NCAM1: variants seen among roughly 807,000 people sequenced by gnomAD.
NCAM1 encodes neural cell adhesion molecule 1.
NCAM1 carries 14 observed loss-of-function variants against 109.8 expected under a neutral mutation model. That is an observed-to-expected ratio of 0.13 (90% CI 0.08 to 0.20). The LOEUF (loss-of-function observed/expected upper bound fraction) is 0.20. NCAM1 is among the 10% of genes least tolerant of loss of function. NCAM1 has a pLI of 1.00. For missense variants in NCAM1, 774 were observed against 1,109.9 expected (o/e 0.70, Z 4.30); for synonymous variants, 418 against 442.9 (o/e 0.94, Z 0.70).
At chr11:112,973,356 A>G (rs1466588055) in intron 1 of NCAM1, among the ~76,000 whole-genome samples, 2 of 152,166 alleles carry the variant, frequency 1.3e-5, no homozygotes, top group African/African-American at 2.4e-5. Flanking sequence ...ATAAAGGTGT[A>G]CTTTAAGCAG....
Position 112,994,078 on chromosome 11 carries a change from T to C in NCAM1, c.52+32414T>C, listed in dbSNP as rs139860880. ...GTTTTGGCAATATAATGCCTTTTTC[T>C]TTCTGCTTTGCCATCTAGCTTTGAG... On this transcript the variant is annotated intron_variant, in intron 1 of 19. Transcript: ENST00000316851. Among the ~76,000 whole-genome samples the C allele has an allele frequency of 2.7e-3, 414 of 152,370 alleles. 1 individual carries two copies. Among genetic ancestry groups the C allele is most frequent in the African/African-American group, 9.6e-3 (398 of 41,592 alleles).
At chr11:113,224,383 G>A (rs1290775371) in intron 9 of NCAM1, among the ~76,000 whole-genome samples, 1 of 152,242 alleles carries the variant, frequency 6.6e-6, no homozygotes, top group Non-Finnish European at 1.5e-5. Context: ...CAAGGCTGGG[G>A]GAGGGGCGCC....
intron 1 of NCAM1, among the ~76,000 whole-genome samples, chr11:113,117,053 C>T (rs926147983): frequency 6.6e-6 from 1 of 151,898 alleles, no homozygotes; most frequent in Non-Finnish European, 1.5e-5. Flanking sequence ...ACATGTTTCT[C>T]TTTGCAAATT....
At chr11:113,192,738 C>A (rs1318600051) in intron 1 of NCAM1, among the ~76,000 whole-genome samples, 1 of 152,160 alleles carries the variant, frequency 6.6e-6, no homozygotes, top group Non-Finnish European at 1.5e-5. Context: ...GGACAACGGC[C>A]AACCCTGTGG....
intron 1 of NCAM1, chr11:113,003,865 A>G (rs1487131396): frequency 6.6e-6 from 1 of 152,174 alleles, no homozygotes; most frequent in Non-Finnish European, 1.5e-5. Flanking sequence ...CTGTTCGTAA[A>G]TTTGTCCACT....
At chr11:113,049,750 T>C (rs964927780) in intron 1 of NCAM1, among the ~76,000 whole-genome samples, 1 of 152,162 alleles carries the variant, frequency 6.6e-6, no homozygotes, top group Non-Finnish European at 1.5e-5. Context: ...TGTGCCAATG[T>C]TCTCCTTTCT....
chr11:113,081,073 A>G (rs1449142668), intron 1 of NCAM1, among the ~76,000 whole-genome samples: 1 of 152,326 alleles, frequency 6.6e-6, no homozygotes, highest in Non-Finnish European at 1.5e-5. Context: ...AGTTCTCTCA[A>G]CATCAGAAGG....
intron 1 of NCAM1, among the ~76,000 whole-genome samples, chr11:113,144,385 A>G (rs1312288663): frequency 1.3e-5 from 2 of 152,204 alleles, no homozygotes; most frequent in Non-Finnish European, 2.9e-5. Context: ...ATTTTGTTCT[A>G]CTTCTTAAAG....
intron 1 of NCAM1, among the ~76,000 whole-genome samples, chr11:113,131,704 G>C (rs1941390047): frequency 1.3e-5 from 2 of 152,156 alleles, no homozygotes; most frequent in African/African-American, 4.8e-5. Flanking sequence ...AATCTCTGCT[G>C]TCTTCCCCCA....
chr11:113,253,547 A>AC lies in NCAM1; in HGVS notation c.1829-2324dup, dbSNP rs1219670647. On this transcript the variant is annotated intron_variant, in intron 15 of 19. Transcript: ENST00000316851. The stretch of plus-strand genomic sequence containing the variant: ...GAATGAAACTTGATCGAGGCAACAG[A>AC]CCCCCCATGATGCGGAGTTCAGAGA... Among the ~76,000 whole-genome samples the AC allele has an allele frequency of 9.2e-5, 14 of 151,910 alleles. No individual in the cohort carries two copies. The South Asian group carries it at 2.1e-3, about 23-fold the overall frequency.
chr11:113,045,779 T>C (rs375841456), intron 1 of NCAM1, among the ~76,000 whole-genome samples: 1 of 152,192 alleles, frequency 6.6e-6, no homozygotes, highest in African/African-American at 2.4e-5. Flanking sequence ...GTTATAGAAA[T>C]AGGCTTTTCT....
chr11:113,261,589 T>A (rs1946001827), intron 17 of NCAM1, among the ~76,000 whole-genome samples: 1 of 152,178 alleles, frequency 6.6e-6, no homozygotes, highest in Non-Finnish European at 1.5e-5. Flanking sequence ...GGAAATGTCC[T>A]CATTATACCT....
At chr11:113,198,779 G>T (rs986577779) in intron 1 of NCAM1, among the ~76,000 whole-genome samples, 3 of 152,188 alleles carry the variant, frequency 2.0e-5, no homozygotes, top group African/African-American at 7.2e-5. Context: ...TAGGGGAAGA[G>T]TTCAAGCCTT....
At chr11:113,147,506 C>T (rs1555101532) in intron 1 of NCAM1, among the ~76,000 whole-genome samples, 2 of 152,222 alleles carry the variant, frequency 1.3e-5, no homozygotes, top group African/African-American at 4.8e-5. Context: ...TTGAGTTTTC[C>T]GCTGATGGTT....
intron 17 of NCAM1, chr11:113,263,121 C>T: frequency 1.6e-6 from 2 of 1,273,232 alleles, no homozygotes; most frequent in Non-Finnish European, 2.0e-6. Flanking sequence ...TTTTGTGCCA[C>T]TTCATAAGGA....
chr11:113,083,344 G>A (rs1246142816), intron 1 of NCAM1, among the ~76,000 whole-genome samples: 1 of 152,120 alleles, frequency 6.6e-6, no homozygotes, highest in African/African-American at 2.4e-5. Flanking sequence ...GTACGTCCTG[G>A]TCTTTAGTCA....
intron 1 of NCAM1, among the ~76,000 whole-genome samples, chr11:113,195,334 G>A (rs1012956046): frequency 3.3e-5 from 5 of 151,878 alleles, no homozygotes; most frequent in Middle Eastern, 3.4e-3. Context: ...ATTTACTTAT[G>A]TCCAGCTATT....
Position 113,191,740 on chromosome 11 carries a change from C to T in NCAM1, c.53-10639C>T, listed in dbSNP as rs145708518. Among the ~76,000 whole-genome samples the T allele has an allele frequency of 7.4e-5, 11 of 148,204 alleles. No individual in the cohort carries two copies. In the East Asian group the frequency reaches 2.2e-3, roughly 30 times the overall value. Reference sequence around the variant, plus strand: ...ACATGTACATACATAGATATACACACATGTATGTGTGTATATGTGTGTGTG... The same window carrying T: ...ACATGTACATACATAGATATACACATATGTATGTGTGTATATGTGTGTGTG... On this transcript the variant is annotated intron_variant, in intron 1 of 19. Coordinates refer to ENST00000316851, the MANE Select transcript of NCAM1 (RefSeq NM_181351.5).
chr11:112,971,552 C>CT (rs1950882926), intron 1 of NCAM1, among the ~76,000 whole-genome samples: 1 of 152,012 alleles, frequency 6.6e-6, no homozygotes, highest in Admixed American at 6.5e-5. Context: ...AATGTTATAC[C>CT]TTTTTTTGAA....
Sources: gnomAD v4.1 joint callset for allele counts (sites outside exome capture counted in the v4.1 genomes callset) on GRCh38, gnomAD v4.1.1 for gene constraint, MANE v1.5 for transcripts, NCBI Gene and HGNC (gene_info 2026-07-23, HGNC 2026-07-21) for gene names.